Variants in NELL1 observed in about 807,000 individuals in gnomAD.
The protein encoded by NELL1 is neural EGFL like 1.
A neutral mutation model predicts 107.4 loss-of-function variants in NELL1; 76 were observed. The ratio of observed to expected loss-of-function variants is 0.71; its 90% CI spans 0.59 to 0.86. The LOEUF is 0.86. Ranked by LOEUF, NELL1 falls within the 40% of genes least tolerant of loss-of-function variation. The pLI is 0.00. For synonymous variants in NELL1, 353 were observed against 341.2 expected, an observed-to-expected ratio of 1.03 and a Z score of -0.38; for missense variants, 1,024 against 1,005.5, an observed-to-expected ratio of 1.02 and a Z score of -0.25.
intron 13 of NELL1, among the ~76,000 whole-genome samples, chr11:21,165,379 C>A (rs1040527136): frequency 6.6e-6 from 1 of 152,180 alleles, no homozygotes; most frequent in African/African-American, 2.4e-5. Flanking sequence ...TTCAACTCCC[C>A]CTTAGGATCC....
chr11:20,941,843 G>A (rs1022308070), intron 10 of NELL1, among the ~76,000 whole-genome samples: 2 of 152,124 alleles, frequency 1.3e-5, no homozygotes, highest in African/African-American at 4.8e-5. Context: ...AGGAATGCAA[G>A]AGTGAGGCAC....
chr11:20,744,023 CT>C (rs1423874780), intron 2 of NELL1, among the ~76,000 whole-genome samples: 5 of 152,170 alleles, frequency 3.3e-5, no homozygotes, highest in African/African-American at 4.8e-5. Flanking sequence ...TGTTCCTCAT[CT>C]AGTCTATTGA....
At chr11:21,392,909 G>A (rs1228123149) in intron 15 of NELL1, among the ~76,000 whole-genome samples, 2 of 151,576 alleles carry the variant, frequency 1.3e-5, no homozygotes, top group Non-Finnish European at 3.0e-5. Context: ...GATATTAAAT[G>A]TTTGAATTAT....
At chr11:21,523,638 A>C (rs1368426881) in intron 15 of NELL1, among the ~76,000 whole-genome samples, 6 of 152,056 alleles carry the variant, frequency 3.9e-5, no homozygotes, top group Non-Finnish European at 8.8e-5. Flanking sequence ...CTGTTCAGCT[A>C]TCTCCTCTCC....
intron 15 of NELL1, among the ~76,000 whole-genome samples, chr11:21,409,494 A>G (rs551552706): frequency 6.6e-6 from 1 of 152,116 alleles, no homozygotes; most frequent in Non-Finnish European, 1.5e-5. Context: ...TGACGAGTTA[A>G]TGGGTGCAGC....
chr11:20,734,984 G>C (rs902758537), intron 2 of NELL1, among the ~76,000 whole-genome samples: 1 of 152,092 alleles, frequency 6.6e-6, no homozygotes, highest in Non-Finnish European at 1.5e-5. Context: ...ACCAATTCTG[G>C]TGGTAACTGA....
At position 21,560,364 on chromosome 11, in the gene NELL1, T is replaced by A; in HGVS notation, c.1962T>A (p.Cys654Ter). The change falls in exon 17 of 20, where the codon TGT (cysteine) becomes TGA (stop). Residue 654 changes from cysteine to a stop codon, truncating the protein, a stop_gained. Transcript: ENST00000357134. LOFTEE classifies it high-confidence loss of function. ...GQVWTLKEDR[C>*]SVCSCKDGKI... ...TGTGGACCTTGAAAGAAGACAGGTG[T>A]TCTGTCTGCTCCTGCAAGGTGAGGC... 6.3e-7 allele frequency: 1 copy of A among 1,590,776 alleles called. No homozygotes were observed. Among genetic ancestry groups the A allele is most frequent in the South Asian group, 1.1e-5 (1 of 87,376 alleles).
At chr11:21,213,284 A>T (rs1257724748) in intron 13 of NELL1, among the ~76,000 whole-genome samples, 1 of 152,190 alleles carries the variant, frequency 6.6e-6, no homozygotes, top group Non-Finnish European at 1.5e-5. Context: ...TCAATATAGT[A>T]AAGATGTCAA....
chr11:21,039,336 T>A (rs757910833), intron 12 of NELL1, among the ~76,000 whole-genome samples: 1 of 151,954 alleles, frequency 6.6e-6, no homozygotes, highest in Non-Finnish European at 1.5e-5. Context: ...CAAGCATGTA[T>A]CACAACACCT....
At chr11:21,467,207 G>A (rs1456454898) in intron 15 of NELL1, among the ~76,000 whole-genome samples, 1 of 152,042 alleles carries the variant, frequency 6.6e-6, no homozygotes, top group African/African-American at 2.4e-5. Context: ...TACTAACTGT[G>A]TATGACTTAA....
chr11:21,411,553 C>G (rs893255316), intron 15 of NELL1, among the ~76,000 whole-genome samples: 3 of 152,022 alleles, frequency 2.0e-5, no homozygotes, highest in Non-Finnish European at 2.9e-5. Context: ...TGCAGTTGCA[C>G]TGAAACTACA....
intron 13 of NELL1, among the ~76,000 whole-genome samples, chr11:21,216,185 G>T (rs956618894): frequency 2.6e-5 from 4 of 152,174 alleles, no homozygotes; most frequent in Non-Finnish European, 4.4e-5. Context: ...AAGCCTGTAG[G>T]TGCACAGAAG....
At chr11:21,284,380 G>T (rs1306456891) in intron 14 of NELL1, 1 of 457,050 alleles carries the variant, frequency 2.2e-6, no homozygotes, top group African/African-American at 2.0e-5. Flanking sequence ...CCAAGTCTTT[G>T]TGCATTGCTG....
At chr11:21,147,008 C>T (rs893778268) in intron 13 of NELL1, among the ~76,000 whole-genome samples, 9 of 152,162 alleles carry the variant, frequency 5.9e-5, no homozygotes, top group East Asian at 3.9e-4. Flanking sequence ...TGCACCACTG[C>T]GCTCCAGCGT....
intron 13 of NELL1, among the ~76,000 whole-genome samples, chr11:21,191,374 C>T (rs1215582992): frequency 2.6e-5 from 4 of 151,702 alleles, no homozygotes; most frequent in African/African-American, 9.7e-5. Flanking sequence ...CCAAAGAATG[C>T]AGGCAGCCTC....
At chr11:21,018,077 A>T (rs1195022888) in intron 12 of NELL1, among the ~76,000 whole-genome samples, 2 of 152,092 alleles carry the variant, frequency 1.3e-5, no homozygotes, top group Non-Finnish European at 2.9e-5. Context: ...GCATTTGGAG[A>T]GTCCTCTTTG....
intron 12 of NELL1, among the ~76,000 whole-genome samples, chr11:21,032,324 AC>A (rs1852981613): frequency 6.6e-6 from 1 of 151,988 alleles, no homozygotes; most frequent in Non-Finnish European, 1.5e-5. Context: ...ATTCAGACTT[AC>A]CTTAACAAAA....
At chr11:21,056,176 G>T (rs1853610794) in intron 12 of NELL1, among the ~76,000 whole-genome samples, 1 of 152,170 alleles carries the variant, frequency 6.6e-6, no homozygotes, top group Admixed American at 6.6e-5. Flanking sequence ...ACTGAATGAA[G>T]CAGGGCAGCA....
intron 15 of NELL1, among the ~76,000 whole-genome samples, chr11:21,435,398 G>GT (rs34432802): frequency 0.45 from 66,281 of 146,192 alleles, 15,426 homozygotes; most frequent in African/African-American, 0.57. Flanking sequence ...TTGTTTGTTT[G>GT]TTTTTTACCA....
Sources: gnomAD v4.1 joint callset for allele counts (sites outside exome capture counted in the v4.1 genomes callset) on GRCh38, gnomAD v4.1.1 for gene constraint, MANE v1.5 for transcripts, NCBI Gene and HGNC (gene_info 2026-07-23, HGNC 2026-07-21) for gene names.